UBE2E2: variants seen among roughly 807,000 people sequenced by gnomAD.
The protein encoded by UBE2E2 is ubiquitin-conjugating enzyme E2 E2.
UBE2E2 carries 6 observed loss-of-function variants against 24.7 expected under a neutral mutation model. The observed-to-expected ratio is 0.24, with a 90% confidence interval of 0.13 to 0.48. The LOEUF is 0.48. Among genes scored for constraint, UBE2E2 ranks in the 20% least tolerant of loss-of-function variants. The pLI, the probability that UBE2E2 is intolerant of heterozygous loss-of-function variation, is 0.99. For missense variants in UBE2E2, 169 were observed against 245.0 expected (o/e 0.69, Z 2.07); for synonymous variants, 104 against 83.6 (o/e 1.24, Z -1.33).
Position 23,449,855 on chromosome 3 carries a change from C to G in UBE2E2, c.228-49753C>G, listed in dbSNP as rs564172043. On this transcript the variant is annotated intron_variant, in intron 3 of 5. Transcript: ENST00000396703. ...AATGAAATTTCCCATTTTTCACTGG[C>G]AGAAACCCCAGCCCTATAATGGGGA... 1.4e-5 allele frequency: 14 copies of G among 985,400 alleles called. 1 individual carries two copies. In the East Asian group the frequency reaches 1.4e-3, roughly 96 times the overall value. 61.0% of individuals were successfully genotyped at this position (985,400 alleles called of 1,614,324 possible).
intron 5 of UBE2E2, among the ~76,000 whole-genome samples, chr3:23,574,067 G>A (rs1696286689): frequency 6.6e-6 from 1 of 152,170 alleles, no homozygotes; most frequent in Non-Finnish European, 1.5e-5. Context: ...CCTATGATTT[G>A]CAACAACATG....
At chr3:23,471,565 T>G (rs17013320) in intron 3 of UBE2E2, among the ~76,000 whole-genome samples, 4,607 of 152,270 alleles carry the variant, frequency 0.03, 110 homozygotes, top group East Asian at 0.13. Context: ...CTGAGATTGC[T>G]TGGGCGTTTT....
intron 3 of UBE2E2, among the ~76,000 whole-genome samples, chr3:23,353,359 C>T (rs1695824793): frequency 6.6e-6 from 1 of 151,936 alleles, no homozygotes; most frequent in Admixed American, 6.6e-5. Context: ...CACTCCTATT[C>T]AACATAGTGT....
At chr3:23,372,539 A>T (rs1575591696) in intron 3 of UBE2E2, among the ~76,000 whole-genome samples, 1 of 152,066 alleles carries the variant, frequency 6.6e-6, no homozygotes, top group African/African-American at 2.4e-5. Context: ...TTCTTTTCTC[A>T]TTTAACTTCC....
rs988239245 is a variant in UBE2E2 at position 23,513,273 on chromosome 3, C to T, written c.360+13533C>T. Among the ~76,000 whole-genome samples the T allele has an allele frequency of 2.6e-5, 4 of 152,074 alleles. No homozygotes were observed. In the East Asian group the frequency reaches 7.7e-4, roughly 29 times the overall value. On this transcript the variant is annotated intron_variant, in intron 4 of 5. Coordinates refer to ENST00000396703, the MANE Select transcript of UBE2E2 (RefSeq NM_152653.4). ...ATATATACACAGTAAAAAGTTCAAA[C>T]AGCACAAAAGGTATGCAGTCCTCCT...
intron 3 of UBE2E2, among the ~76,000 whole-genome samples, chr3:23,229,761 C>T (rs1041371754): frequency 6.6e-6 from 1 of 152,176 alleles, no homozygotes; most frequent in South Asian, 2.1e-4. Context: ...CTTATCTGCC[C>T]TGTCCAGTAC....
At chr3:23,570,936 A>G (rs1442139820) in intron 5 of UBE2E2, among the ~76,000 whole-genome samples, 3 of 152,206 alleles carry the variant, frequency 2.0e-5, no homozygotes, top group Non-Finnish European at 2.9e-5. Context: ...CCTTAAGTCT[A>G]GACAGTCAAC....
intron 4 of UBE2E2, among the ~76,000 whole-genome samples, chr3:23,531,916 G>T (rs940167771): frequency 5.9e-5 from 9 of 152,000 alleles, no homozygotes; most frequent in Non-Finnish European, 2.9e-5. Context: ...ACAAAAATTA[G>T]CTGGGTGTGG....
chr3:23,313,103 A>G (rs889600988), intron 3 of UBE2E2, among the ~76,000 whole-genome samples: 2 of 152,140 alleles, frequency 1.3e-5, no homozygotes, highest in African/African-American at 2.4e-5. Context: ...AATATCTACT[A>G]GATCCATTTG....
intron 3 of UBE2E2, among the ~76,000 whole-genome samples, chr3:23,339,507 T>C (rs1167225753): frequency 6.6e-6 from 1 of 152,164 alleles, no homozygotes; most frequent in Non-Finnish European, 1.5e-5. Context: ...ATGGGAATTC[T>C]TTGTGTAATG....
chr3:23,303,169 A>G (rs1215676198), intron 3 of UBE2E2, among the ~76,000 whole-genome samples: 1 of 151,908 alleles, frequency 6.6e-6, no homozygotes, highest in African/African-American at 2.4e-5. Flanking sequence ...TTAGAATCTA[A>G]TGCATGATGA....
intron 2 of UBE2E2, among the ~76,000 whole-genome samples, chr3:23,210,691 C>T (rs1468704543): frequency 1.3e-5 from 2 of 152,122 alleles, no homozygotes; most frequent in African/African-American, 2.4e-5. Flanking sequence ...CAGCGCAGTG[C>T]CTGATTGGCA....
At chr3:23,486,994 A>C (rs1699387015) in intron 3 of UBE2E2, among the ~76,000 whole-genome samples, 2 of 152,022 alleles carry the variant, frequency 1.3e-5, no homozygotes, top group South Asian at 4.2e-4. Flanking sequence ...GCCTCCCACC[A>C]CCATCAACAT....
intron 5 of UBE2E2, among the ~76,000 whole-genome samples, chr3:23,558,219 A>T (rs4858513): frequency 6.6e-6 from 1 of 152,088 alleles, no homozygotes; most frequent in Non-Finnish European, 1.5e-5. Context: ...CAAACTTAAC[A>T]TAATTGATCT....
intron 3 of UBE2E2, chr3:23,270,969 G>C (rs114402082): frequency 2.2e-6 from 1 of 456,706 alleles, no homozygotes; most frequent in South Asian, 1.5e-5. Flanking sequence ...GATTCGATCT[G>C]CTTGCATCTC....
intron 3 of UBE2E2, among the ~76,000 whole-genome samples, chr3:23,376,774 C>T (rs1343284034): frequency 6.6e-6 from 1 of 152,134 alleles, no homozygotes; most frequent in Non-Finnish European, 1.5e-5. Flanking sequence ...TGTAGCTTGC[C>T]ACAGTCTGAA....
At chr3:23,249,935 C>T (rs1046507753) in intron 3 of UBE2E2, among the ~76,000 whole-genome samples, 13 of 152,186 alleles carry the variant, frequency 8.5e-5, no homozygotes, top group South Asian at 2.1e-4. Context: ...GGACTACAGG[C>T]GTGAGCCACC....
chr3:23,502,073 G>A (rs1559404553), intron 4 of UBE2E2, among the ~76,000 whole-genome samples: 1 of 152,040 alleles, frequency 6.6e-6, no homozygotes. Context: ...AAAAACTTGG[G>A]GTGTAGTGAA....
intron 4 of UBE2E2, among the ~76,000 whole-genome samples, chr3:23,502,037 T>C (rs1699732572): frequency 1.3e-5 from 2 of 152,166 alleles, no homozygotes; most frequent in Admixed American, 1.3e-4. Flanking sequence ...TCAGATTCTG[T>C]AGATAGATGT....
Sources: allele counts gnomAD v4.1 joint callset (sites outside exome capture counted in the v4.1 genomes callset), GRCh38; gene constraint gnomAD v4.1.1; transcripts MANE v1.5; gene names NCBI Gene and HGNC (gene_info 2026-07-23, HGNC 2026-07-21).